The following SHTN1 variants were observed in gnomAD, a reference collection of about 807,000 sequenced individuals.
SHTN1 encodes shootin 1.
Under a neutral mutation model 83.1 loss-of-function variants are expected in SHTN1, and 42 were observed. That is an observed-to-expected ratio of 0.51 (90% CI 0.39 to 0.65). The LOEUF is 0.65. Ranked by LOEUF, SHTN1 falls within the 30% of genes least tolerant of loss-of-function variation. The probability of loss-of-function intolerance (pLI) is 0.00; values close to 1 mark genes in which losing one functional copy is unlikely to be tolerated. For synonymous variants in SHTN1, 224 were observed against 247.7 expected (o/e 0.90, Z 0.90); for missense variants, 622 against 737.8 (o/e 0.84, Z 1.82).
chr10:117,098,310 T>C (rs1853536917), intron 1 of SHTN1, among the ~76,000 whole-genome samples: 1 of 140,358 alleles, frequency 7.1e-6, no homozygotes, highest in South Asian at 2.2e-4. Context: ...GGCAGGAGAA[T>C]GGCGTGAACC....
In SHTN1 at chr10:116,916,807, T is replaced by G. The variant is rs539891400; in HGVS notation, c.1196-1323A>C. Among the ~76,000 whole-genome samples, 14 of 152,332 alleles carry G rather than the reference T, an allele frequency of 9.2e-5. No homozygotes were observed. The East Asian group carries it at 2.5e-3, about 27-fold the overall frequency. On this transcript the variant is annotated intron_variant, in intron 12 of 16. Transcript: ENST00000355371. ...TCCACAATAAGGGATCACTGCTATA[T>G]TCACTGTATAACCTAGGTTTTCTGA... is the stretch of plus-strand genomic sequence containing the variant.
At chr10:117,012,061 C>T (rs575852558) in intron 2 of SHTN1, among the ~76,000 whole-genome samples, 2 of 151,412 alleles carry the variant, frequency 1.3e-5, no homozygotes, top group South Asian at 4.2e-4. Context: ...ATGGCGTGAA[C>T]CCGGGAGGTG....
intron 1 of SHTN1, among the ~76,000 whole-genome samples, chr10:117,116,454 T>TGA: frequency 6.6e-6 from 1 of 152,216 alleles, no homozygotes; most frequent in South Asian, 2.1e-4. Context: ...GCCCTGAACC[T>TGA]GATGACTTCA....
chr10:116,882,598 A>G lies in SHTN1; in HGVS notation c.*3746T>C, dbSNP rs1237488377. The G allele has an allele frequency of 6.6e-6, 1 of 152,206 alleles. No individual in the cohort carries two copies. The highest frequency in any genetic ancestry group is 2.4e-5 in the African/African-American group (1 of 41,464). The allele number at this position is 152,206 out of a possible 1,614,324, so 9.4% of individuals were successfully genotyped here. Reference sequence around the variant, plus strand: ...CATTTGCTTCTCCTAAAAATTATATAAATTGCTATGTACTGACCTGTAGGG... The same window carrying G: ...CATTTGCTTCTCCTAAAAATTATATGAATTGCTATGTACTGACCTGTAGGG... On this transcript the variant is annotated 3_prime_UTR_variant, in exon 17 of 17. Transcript: ENST00000355371.
At chr10:116,957,515 A>G (rs1009572518) in intron 4 of SHTN1, among the ~76,000 whole-genome samples, 2 of 151,738 alleles carry the variant, frequency 1.3e-5, no homozygotes, top group East Asian at 3.9e-4. Flanking sequence ...CAGCCTCCCA[A>G]AGTGCTGGGA....
At chr10:116,973,774 T>G (rs187539677) in intron 2 of SHTN1, 44 of 872,206 alleles carry the variant, frequency 5.0e-5, no homozygotes, top group Non-Finnish European at 2.6e-5. Flanking sequence ...CCATTTTTCT[T>G]GAAGTTCATT....
At chr10:116,954,710 G>T (rs546360683) in intron 4 of SHTN1, among the ~76,000 whole-genome samples, 4 of 152,134 alleles carry the variant, frequency 2.6e-5, no homozygotes, top group African/African-American at 4.8e-5. Flanking sequence ...TTAGTCCAGG[G>T]ATTAAACACA....
intron 1 of SHTN1, among the ~76,000 whole-genome samples, chr10:117,001,663 A>G (rs556204303): frequency 6.6e-6 from 1 of 152,318 alleles, no homozygotes; most frequent in African/African-American, 2.4e-5. Flanking sequence ...AAGTTTTAAC[A>G]TTTTGATAGC....
intron 16 of SHTN1, among the ~76,000 whole-genome samples, chr10:116,897,095 C>G (rs982797001): frequency 3.9e-5 from 6 of 152,076 alleles, no homozygotes; most frequent in Non-Finnish European, 8.8e-5. Context: ...GGATTATAGG[C>G]GTAAGCCACC....
chr10:116,895,248 C>G (rs1847478446), intron 16 of SHTN1, among the ~76,000 whole-genome samples: 1 of 152,134 alleles, frequency 6.6e-6, no homozygotes, highest in African/African-American at 2.4e-5. Flanking sequence ...TGGGAAAAAA[C>G]TATTTCTCAG....
At chr10:116,966,209 G>A (rs1314009856) in intron 3 of SHTN1, among the ~76,000 whole-genome samples, 3 of 151,970 alleles carry the variant, frequency 2.0e-5, no homozygotes, top group African/African-American at 7.3e-5. Flanking sequence ...GGGTTTCACC[G>A]TGTTAGCCAG....
intron 2 of SHTN1, among the ~76,000 whole-genome samples, chr10:116,978,089 A>G (rs1419268418): frequency 6.6e-6 from 1 of 152,196 alleles, no homozygotes; most frequent in African/African-American, 2.4e-5. Flanking sequence ...TTTACAAATG[A>G]GCAAAGGAGC....
intron 8 of SHTN1, among the ~76,000 whole-genome samples, chr10:116,941,828 A>G (rs1004577726): frequency 2.6e-5 from 4 of 152,228 alleles, no homozygotes; most frequent in Non-Finnish European, 5.9e-5. Context: ...CAGTATACTA[A>G]AACACTAACA....
intron 3 of SHTN1, 49 bp downstream of exon 3, chr10:116,968,603 C>A: frequency 7.4e-7 from 1 of 1,352,114 alleles, no homozygotes; most frequent in Non-Finnish European, 1.1e-6. Context: ...TCACATAATC[C>A]CCAATAGGCT....
chr10:117,110,399 TG>T (rs1305099834), intron 1 of SHTN1, among the ~76,000 whole-genome samples: 1 of 152,240 alleles, frequency 6.6e-6, no homozygotes, highest in Non-Finnish European at 1.5e-5. Flanking sequence ...GTTGCCAGGC[TG>T]GAGTGCAGTG....
rs527316031 is a variant in SHTN1, at chr10:117,082,890, T to C, written c.-188-34380A>G. ...CTTTTTTTGTTTTCCATTTGCTTGG[T>C]AGATCTTCCTCCATCCTTTTATTTT... On this transcript the variant is annotated intron_variant, in intron 1 of 17. Transcript: ENST00000392901. 2.6e-5 allele frequency among the ~76,000 whole-genome samples: 4 copies of C among 151,390 alleles called. 1 individual carries two copies. Among genetic ancestry groups the C allele is most frequent in the South Asian group, 2.2e-4 (1 of 4,648 alleles).
At position 116,930,413 on chromosome 10, in the gene SHTN1, G is replaced by A. The variant is rs1182470740; in HGVS notation, c.859-411C>T. Among the ~76,000 whole-genome samples the A allele has an allele frequency of 3.3e-5, 5 of 152,106 alleles. No individual in the cohort carries two copies. The East Asian group carries it at 9.6e-4, about 29-fold the overall frequency. On this transcript the variant is annotated intron_variant, in intron 9 of 16. Coordinates refer to ENST00000355371, the MANE Select transcript of SHTN1 (RefSeq NM_001127211.3). ...ACCCTCCATCATCAAGTAAGCCCCA[G>A]TGTCTGTTGTTCCCTTCTTTGTGTC... is the stretch of plus-strand genomic sequence containing the variant.
intron 16 of SHTN1, among the ~76,000 whole-genome samples, chr10:116,887,547 G>C (rs1847204793): frequency 6.6e-6 from 1 of 152,138 alleles, no homozygotes; most frequent in South Asian, 2.1e-4. Flanking sequence ...CTGCCAGCCA[G>C]TGCCTGCCCA....
At chr10:117,018,181 C>G (rs189475635) in intron 2 of SHTN1, among the ~76,000 whole-genome samples, 22 of 152,090 alleles carry the variant, frequency 1.4e-4, no homozygotes, top group Admixed American at 1.4e-3. Context: ...AGTATTATAC[C>G]AATGTTAATT....
Sources: allele counts gnomAD v4.1 joint callset (sites outside exome capture counted in the v4.1 genomes callset), GRCh38; gene constraint gnomAD v4.1.1; transcripts MANE v1.5; gene names NCBI Gene and HGNC (gene_info 2026-07-23, HGNC 2026-07-21).